FER1L6: variants seen among roughly 807,000 people sequenced by gnomAD.
FER1L6 encodes the protein fer-1-like protein 6.
A neutral mutation model predicts 219.2 loss-of-function variants in FER1L6; 177 were observed. That is an observed-to-expected ratio of 0.81 (90% CI 0.71 to 0.91). The LOEUF (loss-of-function observed/expected upper bound fraction) is 0.91, where lower values mean the gene tolerates loss of function less well. FER1L6 is among the 40% of genes least tolerant of loss of function. FER1L6 has a pLI of 0.00. For synonymous variants in FER1L6, 768 were observed against 824.3 expected (o/e 0.93, Z 1.17); for missense variants, 2,153 against 2,259.9 (o/e 0.95, Z 0.96).
chr8:124,039,547 C>T (rs1438020808), intron 19 of FER1L6, among the ~76,000 whole-genome samples: 1 of 152,148 alleles, frequency 6.6e-6, no homozygotes, highest in African/African-American at 2.4e-5. Context: ...GTTAATTGTG[C>T]AAACTTTTGA....
chr8:123,949,137 T>C (rs2130063549), intron 1 of FER1L6, among the ~76,000 whole-genome samples: 1 of 152,274 alleles, frequency 6.6e-6, no homozygotes, highest in South Asian at 2.1e-4. Flanking sequence ...TTGCCAGGAT[T>C]CTCCTTCTCT....
At chr8:124,081,529 C>A (rs529234072) in intron 32 of FER1L6, among the ~76,000 whole-genome samples, 1 of 148,728 alleles carries the variant, frequency 6.7e-6, no homozygotes, top group Admixed American at 6.8e-5. Context: ...TTTCTGAGAT[C>A]TCTTACAGTT....
chr8:123,871,153 C>T (rs1816918167), intron 1 of FER1L6, among the ~76,000 whole-genome samples: 1 of 152,146 alleles, frequency 6.6e-6, no homozygotes, highest in Non-Finnish European at 1.5e-5. Context: ...TTGGTGACAT[C>T]AGTATGAACT....
intron 29 of FER1L6, 114 bp downstream of exon 29, chr8:124,069,589 T>A: frequency 1.4e-6 from 1 of 690,898 alleles, no homozygotes; most frequent in Non-Finnish European, 2.4e-6. Flanking sequence ...TTTGTCTTCA[T>A]TGTCACCGAT....
intron 1 of FER1L6, among the ~76,000 whole-genome samples, chr8:123,907,990 A>G (rs533297354): frequency 1.1e-4 from 16 of 152,016 alleles, no homozygotes; most frequent in Non-Finnish European, 1.8e-4. Flanking sequence ...ATTTGTTTCT[A>G]CTTTAGTCTG....
intron 1 of FER1L6, among the ~76,000 whole-genome samples, chr8:123,899,288 C>T (rs1272705224): frequency 3.9e-5 from 6 of 151,932 alleles, no homozygotes; most frequent in Admixed American, 3.9e-4. Context: ...TGTTTGTTGG[C>T]CATTTGTATA....
At chr8:123,942,611 T>G (rs1814285500) in intron 1 of FER1L6, among the ~76,000 whole-genome samples, 1 of 152,240 alleles carries the variant, frequency 6.6e-6, no homozygotes, top group African/African-American at 2.4e-5. Context: ...CCTTGTCTTG[T>G]GACTGCATCA....
chr8:124,009,370 A>G (rs1156835724), intron 13 of FER1L6, among the ~76,000 whole-genome samples: 1 of 152,180 alleles, frequency 6.6e-6, no homozygotes, highest in Non-Finnish European at 1.5e-5. Context: ...TATGAGGGTC[A>G]AGGAGCTGGA....
chr8:124,099,594 T>C (rs1020367732), intron 37 of FER1L6, among the ~76,000 whole-genome samples: 10 of 152,190 alleles, frequency 6.6e-5, no homozygotes, highest in African/African-American at 2.2e-4. Flanking sequence ...GCCATCCAAA[T>C]TGGCCTCCCC....
At chr8:123,923,731 C>T (rs959891182) in intron 1 of FER1L6, among the ~76,000 whole-genome samples, 4 of 151,932 alleles carry the variant, frequency 2.6e-5, no homozygotes, top group Admixed American at 6.6e-5. Context: ...TCTATTATCA[C>T]CTCATTTTTA....
At position 124,039,930 on chromosome 8, in the gene FER1L6, T is replaced by G; in HGVS notation, c.2513T>G (p.Leu838Arg). Residue 838 changes from leucine to arginine, a missense_variant, in exon 20 of 41, where the codon CTC becomes CGC. Coordinates refer to ENST00000522917, the MANE Select transcript of FER1L6 (RefSeq NM_001039112.2). ...GCTCACATGTACCAAGCCCGGGGCC[T>G]CATCGCAGCTGACAGCAATGGACTT... ...LRAHMYQARG[L>R]IAADSNGLSD... 1 of 1,614,140 alleles carries G rather than the reference T, an allele frequency of 6.2e-7. No homozygotes were observed. Among genetic ancestry groups the G allele is most frequent in the Admixed American group, 1.7e-5 (1 of 60,010 alleles).
rs1381343807 is a variant in FER1L6, at chr8:123,986,107, G to A, written c.1450G>A (p.Ala484Thr). ...AAATGAGGAATTTTTACTCTTTGGA[G>A]CATTTTTTGAAGCTACCATGATTGA... ...EKNEEFLLFG[A>T]FFEATMIDRK... The change falls in exon 12 of 41, where the codon GCA (alanine) becomes ACA (threonine). Residue 484 changes from alanine (A) to threonine (T), a missense_variant. Ala to Thr is a moderately conservative substitution (Grantham distance 58). Transcript: ENST00000522917. 1.9e-6 allele frequency: 3 copies of A among 1,613,548 alleles called. No homozygotes were observed. The highest frequency in any genetic ancestry group is 2.5e-6 in the Non-Finnish European group (3 of 1,179,514).
chr8:124,091,297 G>C (rs1822017429), intron 33 of FER1L6, 126 bp from the exon 34 acceptor site: 1 of 670,150 alleles, frequency 1.5e-6, no homozygotes, highest in Admixed American at 3.0e-5. Context: ...CCAGAAAAGA[G>C]AGAAAACAAA....
At chr8:124,005,026 C>T (rs1586579894) in intron 13 of FER1L6, among the ~76,000 whole-genome samples, 2 of 151,916 alleles carry the variant, frequency 1.3e-5, no homozygotes, top group African/African-American at 4.8e-5. Context: ...GTCAACTGTT[C>T]TCTTTTCCTT....
At position 124,118,834 on chromosome 8, in the gene FER1L6, C is replaced by G. The variant is rs762719970; in HGVS notation, c.5290-10C>G. On this transcript the variant is annotated splice_polypyrimidine_tract_variant and intron_variant, in intron 39 of 40. Transcript: ENST00000522917. ...TGACTGGAAACAAAAGGTTTTGCAT[C>G]TTTTTGCAGGGCAAGGTTGAAGCTG... is the stretch of plus-strand genomic sequence containing the variant. 113 of 1,613,104 alleles carry G rather than the reference C, an allele frequency of 7.0e-5. No homozygotes were observed. Among genetic ancestry groups the G allele is most frequent in the Non-Finnish European group, 8.6e-5 (101 of 1,179,582 alleles).
rs756989461 is a variant in FER1L6 at position 124,003,123 on chromosome 8, A to T, written c.1520-44A>T. 5 of 1,560,234 alleles carry T rather than the reference A, an allele frequency of 3.2e-6. No homozygotes were observed. The South Asian group carries it at 5.8e-5, about 18-fold the overall frequency. ...CTTTATGCCAAGCAGACTGATTCTG[A>T]TTACCACCACCTGACCCCTTTCCCC... is the stretch of plus-strand genomic sequence containing the variant. On this transcript the variant is annotated intron_variant, in intron 12 of 40. Coordinates refer to ENST00000522917, the MANE Select transcript of FER1L6 (RefSeq NM_001039112.2).
At chr8:123,880,040 G>T (rs1817078982) in intron 1 of FER1L6, among the ~76,000 whole-genome samples, 1 of 152,080 alleles carries the variant, frequency 6.6e-6, no homozygotes, top group African/African-American at 2.4e-5. Flanking sequence ...CACAGCTTTA[G>T]ATCATATCAC....
At chr8:123,920,336 G>A (rs772678823) in intron 1 of FER1L6, among the ~76,000 whole-genome samples, 207 of 152,328 alleles carry the variant, frequency 1.4e-3, no homozygotes, top group Middle Eastern at 3.4e-3. Flanking sequence ...CTGACCTCTG[G>A]CAAATCCATG....
At chr8:124,097,764 T>G (rs372286054) in intron 36 of FER1L6, 21 bp from the exon 37 acceptor site, 23 of 1,321,802 alleles carry the variant, frequency 1.7e-5, no homozygotes, top group Non-Finnish European at 2.5e-5. Flanking sequence ...ATCGACCTAA[T>G]GCTTCCTTCT....
Sources: gnomAD v4.1 joint callset for allele counts (sites outside exome capture counted in the v4.1 genomes callset) on GRCh38, gnomAD v4.1.1 for gene constraint, MANE v1.5 for transcripts, NCBI Gene and HGNC (gene_info 2026-07-23, HGNC 2026-07-21) for gene names.